Variants in POR observed in about 807,000 individuals in gnomAD.
The protein encoded by POR is NADPH--cytochrome P450 reductase.
In POR, 56 loss-of-function variants were observed where a neutral mutation model predicts 84.0. The observed-to-expected ratio is 0.67, with a 90% CI of 0.54 to 0.83. The LOEUF (loss-of-function observed/expected upper bound fraction) is 0.83, where lower values mean the gene tolerates loss of function less well. Among genes scored for constraint, POR ranks in the 40% least tolerant of loss-of-function variants. The pLI is 0.00. For missense variants in POR, 938 were observed against 944.3 expected (o/e 0.99, Z 0.09); for synonymous variants, 414 against 400.5 (o/e 1.03, Z -0.40).
chr7:75,941,250 T>C (rs1161741415), intron 1 of POR, among the ~76,000 whole-genome samples: 3 of 152,164 alleles, frequency 2.0e-5, no homozygotes, highest in African/African-American at 7.2e-5. Context: ...CTCTCCTGCC[T>C]CTTTAGGCCC....
intron 3 of POR, among the ~76,000 whole-genome samples, chr7:75,978,803 C>T (rs1054789546): frequency 4.7e-5 from 7 of 149,564 alleles, no homozygotes; most frequent in Non-Finnish European, 1.0e-4. Flanking sequence ...GGATTATAGG[C>T]GTGAGCCACT....
chr7:75,969,736 G>A (rs1228894182), intron 2 of POR, among the ~76,000 whole-genome samples: 10 of 152,158 alleles, frequency 6.6e-5, no homozygotes, highest in East Asian at 3.9e-4. Flanking sequence ...CTCTTAGTCC[G>A]CCCCTGCCAG....
At chr7:75,922,483 C>G (rs1806928194) in intron 1 of POR, among the ~76,000 whole-genome samples, 1 of 152,020 alleles carries the variant, frequency 6.6e-6, no homozygotes, top group African/African-American at 2.4e-5. Context: ...GCCATCATGC[C>G]TGGCTAATTT....
chr7:75,954,301 CTT>C, intron 2 of POR, 121 bp downstream of exon 2: 1 of 1,081,132 alleles, frequency 9.2e-7, no homozygotes. Flanking sequence ...TGGGGTGACT[CTT>C]GGGTTTTGCC....
In POR at chr7:75,986,580, A is replaced by T; in HGVS notation, c.*99A>T. 10 of 1,435,866 alleles carry T rather than the reference A, an allele frequency of 7.0e-6. No homozygotes were observed. Among genetic ancestry groups the T allele is most frequent in the Non-Finnish European group, 8.4e-6 (9 of 1,065,316 alleles). 88.9% of individuals were successfully genotyped at this position (1,435,866 alleles called of 1,614,324 possible). A position where few individuals can be genotyped will look rare whatever the true frequency, so the allele number is the denominator to read the frequency against. On this transcript the variant is annotated 3_prime_UTR_variant, in exon 16 of 16. Coordinates refer to ENST00000461988, the MANE Select transcript of POR (RefSeq NM_000941.3). Reference sequence around the variant, plus strand: ...TGGGTGTGTTTGGCTTGGCCTTGGCATGGGCGCAGGCCCAGTGACAAAGAC... The same window carrying T: ...TGGGTGTGTTTGGCTTGGCCTTGGCTTGGGCGCAGGCCCAGTGACAAAGAC...
At chr7:75,960,454 G>C (rs782338781) in intron 2 of POR, among the ~76,000 whole-genome samples, 2 of 152,048 alleles carry the variant, frequency 1.3e-5, no homozygotes, top group Non-Finnish European at 2.9e-5. Context: ...CTGGGGTGAC[G>C]GGCACATGCC....
At chr7:75,934,343 G>A (rs1475666324) in intron 1 of POR, among the ~76,000 whole-genome samples, 2 of 152,086 alleles carry the variant, frequency 1.3e-5, no homozygotes, top group Non-Finnish European at 2.9e-5. Context: ...AAAAAAAGAG[G>A]TGACCTGGGT....
intron 2 of POR, among the ~76,000 whole-genome samples, chr7:75,965,365 G>T (rs1380585579): frequency 6.6e-6 from 1 of 152,162 alleles, no homozygotes; most frequent in Non-Finnish European, 1.5e-5. Context: ...TTTACAAATG[G>T]CAGTGCTGAT....
At chr7:75,946,386 A>G (rs1317659345) in intron 1 of POR, among the ~76,000 whole-genome samples, 2 of 152,070 alleles carry the variant, frequency 1.3e-5, no homozygotes, top group Non-Finnish European at 2.9e-5. Context: ...TCCTGGGCTC[A>G]GGTGATCCTC....
At chr7:75,983,886 G>T in intron 10 of POR, 30 bp downstream of exon 10, 1 of 1,542,386 alleles carries the variant, frequency 6.5e-7, no homozygotes, top group Non-Finnish European at 8.8e-7. Context: ...CGCCCTGCCG[G>T]GCTCAGGCAG....
In POR at chr7:75,970,547, G is replaced by T. The variant is rs1788384614; in HGVS notation, c.189-1866G>T. ...TTTTTTTTTTTAGAGGTAGAGTATT[G>T]CTGTTTTACCCAGGCTGGTCTCAAA... On this transcript the variant is annotated intron_variant, in intron 2 of 15. Coordinates refer to ENST00000461988, the MANE Select transcript of POR (RefSeq NM_000941.3). 2.0e-5 allele frequency among the ~76,000 whole-genome samples: 3 copies of T among 151,678 alleles called. 1 individual carries two copies. In the South Asian group the frequency reaches 6.3e-4, roughly 32 times the overall value.
chr7:75,949,388 T>G (rs1180475073), intron 1 of POR, among the ~76,000 whole-genome samples: 1 of 152,074 alleles, frequency 6.6e-6, no homozygotes, highest in Non-Finnish European at 1.5e-5. Flanking sequence ...ACTCCTGACC[T>G]CGTGATCCAC....
chr7:75,926,387 G>A (rs1807127574), intron 1 of POR, among the ~76,000 whole-genome samples: 1 of 152,156 alleles, frequency 6.6e-6, no homozygotes, highest in Non-Finnish European at 1.5e-5. Context: ...GTCTTAGAAA[G>A]CAGCACGGCT....
At chr7:75,973,738 A>G (rs1344836018) in intron 3 of POR, among the ~76,000 whole-genome samples, 12 of 127,108 alleles carry the variant, frequency 9.4e-5, no homozygotes, top group African/African-American at 3.7e-4. Flanking sequence ...CTGGAGTGCA[A>G]TGGCACGGTC....
intron 7 of POR, 134 bp from the exon 8 acceptor site, chr7:75,982,090 T>C (rs985859300): frequency 1.1e-4 from 79 of 687,958 alleles, no homozygotes; most frequent in Non-Finnish European, 1.9e-5. Flanking sequence ...CAGCAGGGGC[T>C]CCCCTGCTTC....
chr7:75,980,878 T>G, intron 5 of POR, 170 bp from the exon 6 acceptor site: 1 of 1,073,744 alleles, frequency 9.3e-7, no homozygotes, highest in Non-Finnish European at 1.3e-6. Context: ...AGATGAAGCC[T>G]CTTCAGTGGC....
chr7:75,952,404 G>A lies in POR; in HGVS notation c.-4-1585G>A, dbSNP rs1201866909. Among the ~76,000 whole-genome samples the A allele has an allele frequency of 5.9e-3, 814 of 139,124 alleles. 29 individuals carry two copies. Among genetic ancestry groups the A allele is most frequent in the African/African-American group, 0.021 (774 of 36,098 alleles). 91.3% of individuals were successfully genotyped at this position (139,124 alleles called of 152,430 possible). A position where few individuals can be genotyped will look rare whatever the true frequency, so the allele number is the denominator to read the frequency against. ...CACCTCCCGGACGGGGCAGCTGGCC[G>A]GGCGGGGGGCTGACCCCCCCACCTC... On this transcript the variant is annotated intron_variant, in intron 1 of 15. Coordinates refer to ENST00000461988, the MANE Select transcript of POR (RefSeq NM_000941.3).
Position 75,985,698 on chromosome 7 carries a change from C to T in POR, c.1518C>T (p.Asn506=), listed in dbSNP as rs782397055. The T allele has an allele frequency of 1.0e-4, 165 of 1,589,152 alleles. 1 individual carries two copies. In the Admixed American group the frequency reaches 2.6e-3, roughly 25 times the overall value. The change falls in exon 13 of 16, where the codon AAC becomes AAT. Residue 506 remains asparagine (N), a synonymous_variant. Transcript: ENST00000461988. The stretch of plus-strand genomic sequence containing the variant: ...GGGCCAAGGAGCCTGCCGGGGAGAA[C>T]GGCGGCCGTGCGCTGGTGCCCATGT...
chr7:75,945,751 C>G (rs185488113), intron 1 of POR, among the ~76,000 whole-genome samples: 167 of 152,300 alleles, frequency 1.1e-3, no homozygotes, highest in Admixed American at 2.2e-3. Context: ...AAAGGGTTGA[C>G]TAAATTACAA....
Sources: allele counts gnomAD v4.1 joint callset (sites outside exome capture counted in the v4.1 genomes callset), GRCh38; gene constraint gnomAD v4.1.1; transcripts MANE v1.5; gene names NCBI Gene and HGNC (gene_info 2026-07-23, HGNC 2026-07-21).